The following ADAM23 variants were observed in gnomAD, a reference collection of about 807,000 sequenced individuals.
The protein encoded by ADAM23 is ADAM metallopeptidase domain 23.
ADAM23 carries 33 observed loss-of-function variants against 120.1 expected under a neutral mutation model. That is an observed-to-expected ratio of 0.27 (90% CI 0.21 to 0.37). The LOEUF (loss-of-function observed/expected upper bound fraction) is 0.37. Ranked by LOEUF, ADAM23 falls within the 10% of genes least tolerant of loss-of-function variation. The pLI, the probability that ADAM23 is intolerant of heterozygous loss-of-function variation, is 1.00. For missense variants in ADAM23, 862 were observed against 1,058.2 expected (o/e 0.81, Z 2.57); for synonymous variants, 367 against 375.2 (o/e 0.98, Z 0.25).
intron 13 of ADAM23, among the ~76,000 whole-genome samples, chr2:206,564,594 G>A (rs1697841328): frequency 6.6e-6 from 1 of 152,196 alleles, no homozygotes; most frequent in Non-Finnish European, 1.5e-5. Context: ...ACAAAAAGGT[G>A]TTATTCCCAT....
chr2:206,609,270 C>T (rs1245270050), intron 24 of ADAM23, among the ~76,000 whole-genome samples: 2 of 152,180 alleles, frequency 1.3e-5, no homozygotes, highest in South Asian at 4.1e-4. Flanking sequence ...CCCAAAATTA[C>T]CCAAATGAGA....
chr2:206,488,319 G>A (rs1482672182), intron 3 of ADAM23, among the ~76,000 whole-genome samples: 1 of 152,200 alleles, frequency 6.6e-6, no homozygotes, highest in Non-Finnish European at 1.5e-5. Flanking sequence ...AGATTACAGT[G>A]TACACGAATA....
At chr2:206,538,805 C>T (rs1697233529) in intron 4 of ADAM23, among the ~76,000 whole-genome samples, 1 of 152,028 alleles carries the variant, frequency 6.6e-6, no homozygotes, top group African/African-American at 2.4e-5. Flanking sequence ...GAGGCAGGGT[C>T]TTTCTACATT....
chr2:206,569,876 G>A (rs1266832234), intron 15 of ADAM23, among the ~76,000 whole-genome samples: 1 of 152,152 alleles, frequency 6.6e-6, no homozygotes, highest in East Asian at 1.9e-4. Context: ...GGTGTGTTCA[G>A]CTGCTGGAGA....
At chr2:206,593,506 G>A (rs1308384271) in intron 22 of ADAM23, among the ~76,000 whole-genome samples, 4 of 151,980 alleles carry the variant, frequency 2.6e-5, no homozygotes, top group Non-Finnish European at 2.9e-5. Context: ...AGTAATTTTA[G>A]TAAATTCATT....
intron 3 of ADAM23, among the ~76,000 whole-genome samples, chr2:206,502,897 C>T (rs1696419064): frequency 6.6e-6 from 1 of 152,090 alleles, no homozygotes; most frequent in Non-Finnish European, 1.5e-5. Flanking sequence ...GTAGAGTACC[C>T]TATATTGTGT....
rs551231173 is a variant in ADAM23 at position 206,564,434 on chromosome 2, C to CT, written c.1346-585dup. On this transcript the variant is annotated intron_variant, in intron 13 of 25. Coordinates refer to ENST00000264377, the MANE Select transcript of ADAM23 (RefSeq NM_003812.4). ...TCTCTTGCTCATCCTCACTTCAACT[C>CT]TAACAAATTGAATTCTCTTCTCTAA... 1.6e-3 allele frequency among the ~76,000 whole-genome samples: 239 copies of CT among 152,346 alleles called. 2 individuals are homozygous for CT. The highest frequency in any genetic ancestry group is 5.5e-3 in the African/African-American group (227 of 41,586).
At chr2:206,500,707 A>G (rs1032845526) in intron 3 of ADAM23, among the ~76,000 whole-genome samples, 10 of 152,152 alleles carry the variant, frequency 6.6e-5, no homozygotes, top group Admixed American at 5.2e-4. Flanking sequence ...GGCTGTATCT[A>G]CTGTCATCTG....
At chr2:206,590,035 CATA>C (rs1292947953) in intron 21 of ADAM23, among the ~76,000 whole-genome samples, 7 of 151,980 alleles carry the variant, frequency 4.6e-5, no homozygotes, top group African/African-American at 1.7e-4. Context: ...CTAGTTAGTA[CATA>C]TTAAAGCCAT....
At chr2:206,499,438 A>G (rs1394489241) in intron 3 of ADAM23, among the ~76,000 whole-genome samples, 1 of 147,820 alleles carries the variant, frequency 6.8e-6, no homozygotes. Flanking sequence ...GTGGGAATTG[A>G]ACAATGAGAA....
At chr2:206,595,026 C>G in intron 23 of ADAM23, 121 bp downstream of exon 23, 8 of 1,289,928 alleles carry the variant, frequency 6.2e-6, no homozygotes, top group Non-Finnish European at 8.5e-6. Context: ...ACTAAAAATG[C>G]AAAAAATAGC....
chr2:206,617,374 G>C (rs1445318475), intron 25 of ADAM23, among the ~76,000 whole-genome samples: 1 of 152,150 alleles, frequency 6.6e-6, no homozygotes, highest in East Asian at 1.9e-4. Flanking sequence ...CATACTCTAG[G>C]GGGTATGTTG....
At chr2:206,580,214 C>T (rs758621847) in intron 18 of ADAM23, among the ~76,000 whole-genome samples, 1 of 152,156 alleles carries the variant, frequency 6.6e-6, no homozygotes, top group Non-Finnish European at 1.5e-5. Flanking sequence ...TTCTTTCTTT[C>T]TCTTGTCTGA....
At chr2:206,587,423 G>T in intron 19 of ADAM23, 48 bp downstream of exon 19, 1 of 1,374,326 alleles carries the variant, frequency 7.3e-7, no homozygotes, top group Non-Finnish European at 9.6e-7. Flanking sequence ...GGATTCATTG[G>T]AAAGTTTTTT....
At chr2:206,570,940 C>A in intron 16 of ADAM23, 129 bp downstream of exon 16, 2 of 727,728 alleles carry the variant, frequency 2.7e-6, no homozygotes, top group Non-Finnish European at 2.4e-6. Flanking sequence ...CTGATTAGTG[C>A]TTAATTCAAC....
intron 11 of ADAM23, 39 bp from the exon 12 acceptor site, chr2:206,561,089 C>T: frequency 6.4e-7 from 1 of 1,568,772 alleles, no homozygotes; most frequent in Non-Finnish European, 8.8e-7. Flanking sequence ...AATGATGGTC[C>T]ACCACGTTGG....
At chr2:206,587,534 A>C (rs574144593) in intron 19 of ADAM23, among the ~76,000 whole-genome samples, 159 bp downstream of exon 19, 3 of 152,238 alleles carry the variant, frequency 2.0e-5, no homozygotes, top group Admixed American at 2.0e-4. Context: ...TGTTATGCCA[A>C]ATATTAAATA....
chr2:206,533,802 A>G (rs919775446), intron 4 of ADAM23, among the ~76,000 whole-genome samples: 6 of 152,184 alleles, frequency 3.9e-5, no homozygotes, highest in African/African-American at 1.4e-4. Flanking sequence ...GCTTCTTTCC[A>G]TGTGAAGCAA....
At chr2:206,520,121 C>G (rs887211084) in intron 3 of ADAM23, among the ~76,000 whole-genome samples, 2 of 152,154 alleles carry the variant, frequency 1.3e-5, no homozygotes, top group African/African-American at 4.8e-5. Context: ...CTGTATAGTA[C>G]AGAGAAATCA....
Sources: allele counts gnomAD v4.1 joint callset (sites outside exome capture counted in the v4.1 genomes callset), GRCh38; gene constraint gnomAD v4.1.1; transcripts MANE v1.5; gene names NCBI Gene and HGNC (gene_info 2026-07-23, HGNC 2026-07-21).